Variants in NFIA observed in about 807,000 individuals in gnomAD.
NFIA encodes nuclear factor I A.
Under a neutral mutation model 62.8 loss-of-function variants are expected in NFIA, and 8 were observed. That is an observed-to-expected ratio of 0.13 (90% CI 0.07 to 0.23). The LOEUF (loss-of-function observed/expected upper bound fraction) is 0.23, where lower values mean the gene tolerates loss of function less well. NFIA is among the 10% of genes least tolerant of loss of function. The pLI is 1.00. For synonymous variants in NFIA, 235 were observed against 238.1 expected, an observed-to-expected ratio of 0.99 and a Z score of 0.12; for missense variants, 410 against 642.1, an observed-to-expected ratio of 0.64 and a Z score of 3.91.
chr1:61,316,571 A>G (rs779504290), intron 3 of NFIA, among the ~76,000 whole-genome samples: 2 of 152,168 alleles, frequency 1.3e-5, no homozygotes, highest in Non-Finnish European at 2.9e-5. Flanking sequence ...AGTTCTAAAC[A>G]CTGGAACTGA....
chr1:61,303,941 A>G (rs887989707), intron 3 of NFIA, among the ~76,000 whole-genome samples: 1 of 152,182 alleles, frequency 6.6e-6, no homozygotes, highest in Non-Finnish European at 1.5e-5. Context: ...GAAGAAGGGA[A>G]ACCAACTAGG....
intron 2 of NFIA, among the ~76,000 whole-genome samples, chr1:61,102,978 C>T (rs1646537745): frequency 6.6e-6 from 1 of 152,182 alleles, no homozygotes; most frequent in Non-Finnish European, 1.5e-5. Flanking sequence ...GTGCATCTGA[C>T]AAGGCCCCTT....
At chr1:61,236,888 G>A (rs1034032931) in intron 2 of NFIA, among the ~76,000 whole-genome samples, 21 of 152,018 alleles carry the variant, frequency 1.4e-4, no homozygotes, top group Non-Finnish European at 2.4e-4. Flanking sequence ...GAAGAAAACA[G>A]AACAACCTCT....
At chr1:61,392,726 T>C (rs1242628374) in intron 7 of NFIA, among the ~76,000 whole-genome samples, 1 of 152,240 alleles carries the variant, frequency 6.6e-6, no homozygotes, top group Non-Finnish European at 1.5e-5. Context: ...TAATATGTTG[T>C]CCCTGGGAGG....
intron 2 of NFIA, among the ~76,000 whole-genome samples, chr1:61,116,856 T>C (rs560273149): frequency 2.0e-5 from 3 of 152,348 alleles, no homozygotes; most frequent in East Asian, 3.9e-4. Flanking sequence ...CATTGTTAGG[T>C]GAAACCTAAT....
chr1:61,424,813 C>T (rs961762601), intron 9 of NFIA, among the ~76,000 whole-genome samples: 1 of 152,120 alleles, frequency 6.6e-6, no homozygotes, highest in African/African-American at 2.4e-5. Flanking sequence ...GAATGGTACA[C>T]TTAATATAGA....
In NFIA at chr1:61,082,674, CT is replaced by C; in HGVS notation, c.-117del. Reference sequence around the variant, plus strand: ...GCTTGATTTTTTTTTCTCCCCCCTTCTCTCTCTCTCTCTCTCTCTCTCTTCC... The same window carrying C: ...GCTTGATTTTTTTTTCTCCCCCCTTCCTCTCTCTCTCTCTCTCTCTCTTCC... On this transcript the variant is annotated 5_prime_UTR_variant, in exon 1 of 11. Transcript: ENST00000403491. 1 of 367,984 alleles carries C rather than the reference CT, an allele frequency of 2.7e-6. No individual in the cohort carries two copies. 22.8% of individuals were successfully genotyped at this position (367,984 alleles called of 1,614,324 possible).
chr1:61,380,453 A>G (rs1272777422), intron 6 of NFIA, among the ~76,000 whole-genome samples: 1 of 152,192 alleles, frequency 6.6e-6, no homozygotes, highest in Non-Finnish European at 1.5e-5. Flanking sequence ...AATTGGCAAA[A>G]GAGATTTTAA....
chr1:61,114,326 ATTTT>A (rs951837302), intron 2 of NFIA, among the ~76,000 whole-genome samples: 1 of 146,572 alleles, frequency 6.8e-6, no homozygotes, highest in East Asian at 2.0e-4. Flanking sequence ...TCTTAAAAAA[ATTTT>A]TTTTTTTTAG....
intron 2 of NFIA, among the ~76,000 whole-genome samples, chr1:61,103,444 G>A (rs751442276): frequency 6.6e-6 from 1 of 152,170 alleles, no homozygotes; most frequent in Non-Finnish European, 1.5e-5. Flanking sequence ...TCCATTAGCA[G>A]CATATTAGTA....
intron 3 of NFIA, among the ~76,000 whole-genome samples, chr1:61,279,848 A>AT (rs1298648826): frequency 6.6e-6 from 1 of 152,092 alleles, no homozygotes; most frequent in Non-Finnish European, 1.5e-5. Context: ...TTGAGCCTGG[A>AT]TTTTTTGGCC....
chr1:61,279,560 T>G (rs1484085317), intron 3 of NFIA, among the ~76,000 whole-genome samples: 1 of 152,268 alleles, frequency 6.6e-6, no homozygotes, highest in Non-Finnish European at 1.5e-5. Flanking sequence ...TTCACTTTTT[T>G]CTACATATTG....
At position 61,404,293 on chromosome 1, in the gene NFIA, C is replaced by T. The variant is rs755749260; in HGVS notation, c.1254+11C>T. On this transcript the variant is annotated intron_variant, in intron 8 of 10. Transcript: ENST00000403491. ...GTGGGGTTCCTCAATGTAAGGAAAC[C>T]TCTTTTTTTCCATTTCTTTAGAAAT... is the stretch of plus-strand genomic sequence containing the variant. 5.7e-6 allele frequency: 9 copies of T among 1,587,538 alleles called. No individual in the cohort carries two copies. Among genetic ancestry groups the T allele is most frequent in the Non-Finnish European group, 7.7e-6 (9 of 1,169,064 alleles).
intron 3 of NFIA, among the ~76,000 whole-genome samples, chr1:61,316,449 C>T (rs959010304): frequency 3.4e-4 from 52 of 152,032 alleles, no homozygotes; most frequent in African/African-American, 1.2e-3. Flanking sequence ...TATGGCTCTC[C>T]TTAAGGGTAT....
chr1:61,258,990 G>T (rs1656594295), intron 2 of NFIA, among the ~76,000 whole-genome samples: 1 of 152,056 alleles, frequency 6.6e-6, no homozygotes, highest in African/African-American at 2.4e-5. Flanking sequence ...CAAAGTGCTG[G>T]GATTACAGGC....
At chr1:61,144,322 A>G (rs1023973954) in intron 2 of NFIA, among the ~76,000 whole-genome samples, 1 of 152,242 alleles carries the variant, frequency 6.6e-6, no homozygotes, top group African/African-American at 2.4e-5. Context: ...TGTGAGAACC[A>G]GTATTCTAGA....
intron 10 of NFIA, among the ~76,000 whole-genome samples, chr1:61,447,621 A>G (rs1667869518): frequency 6.6e-6 from 1 of 152,100 alleles, no homozygotes; most frequent in Admixed American, 6.5e-5. Context: ...TCATCGGGTC[A>G]TTGTCCCCTT....
intron 2 of NFIA, among the ~76,000 whole-genome samples, chr1:61,260,617 G>T (rs868773085): frequency 6.6e-6 from 1 of 152,168 alleles, no homozygotes; most frequent in Non-Finnish European, 1.5e-5. Context: ...GTCTCGCTCT[G>T]TCGCCCAGGC....
At chr1:61,379,380 A>G (rs1664298078) in intron 6 of NFIA, among the ~76,000 whole-genome samples, 1 of 142,718 alleles carries the variant, frequency 7.0e-6, no homozygotes, top group Admixed American at 7.2e-5. Context: ...ATACCACCAC[A>G]CTCAGCTAAC....
Sources: gnomAD v4.1 joint callset for allele counts (sites outside exome capture counted in the v4.1 genomes callset) on GRCh38, gnomAD v4.1.1 for gene constraint, MANE v1.5 for transcripts, NCBI Gene and HGNC (gene_info 2026-07-23, HGNC 2026-07-21) for gene names.